Variants in NOL9 observed in about 807,000 individuals in gnomAD.
NOL9 encodes the protein polynucleotide 5'-hydroxyl-kinase NOL9.
Under a neutral mutation model 67.9 loss-of-function variants are expected in NOL9, and 28 were observed. The observed-to-expected ratio is 0.41, with a 90% CI of 0.31 to 0.57. NOL9 has a LOEUF of 0.57. NOL9 is among the 20% of genes least tolerant of loss of function. NOL9 has a pLI of 0.25. For synonymous variants in NOL9, 356 were observed against 352.2 expected, an observed-to-expected ratio of 1.01 and a Z score of -0.12; for missense variants, 777 against 897.0, an observed-to-expected ratio of 0.87 and a Z score of 1.71.
At chr1:6,533,179 A>T in intron 7 of NOL9, 101 bp downstream of exon 7, 1 of 1,297,084 alleles carries the variant, frequency 7.7e-7, no homozygotes, top group Non-Finnish European at 1.0e-6. Context: ...TGCCTCAATT[A>T]AAAACAAAAA....
intron 6 of NOL9, among the ~76,000 whole-genome samples, chr1:6,538,542 G>A (rs1178024728): frequency 1.3e-5 from 2 of 151,046 alleles, no homozygotes; most frequent in African/African-American, 2.4e-5. Flanking sequence ...CATGGTGGCG[G>A]GCATCTATAA....
chr1:6,525,700 A>C lies in NOL9; in HGVS notation c.*154T>G. On this transcript the variant is annotated 3_prime_UTR_variant, in exon 12 of 12. Transcript: ENST00000377705. ...CATGCAGCTTTAAAAGAGAAACTTA[A>C]GACTACTATATGACATTCACGAATT... is the stretch of plus-strand genomic sequence containing the variant. 1 of 765,700 alleles carries C rather than the reference A, an allele frequency of 1.3e-6. No individual in the cohort carries two copies. Among genetic ancestry groups the C allele is most frequent in the East Asian group, 2.5e-5 (1 of 40,640 alleles). 47.4% of individuals were successfully genotyped at this position (765,700 alleles called of 1,614,324 possible). A position where few individuals can be genotyped will look rare whatever the true frequency, so the allele number is the denominator to read the frequency against.
chr1:6,535,455 G>A (rs1033375582), intron 6 of NOL9, among the ~76,000 whole-genome samples: 2 of 152,214 alleles, frequency 1.3e-5, no homozygotes, highest in African/African-American at 4.8e-5. Flanking sequence ...CAGTACAGCT[G>A]GAGAGCCCAG....
chr1:6,554,391 C>CGAGCCGGCGGCG lies in NOL9; in HGVS notation c.100_111dup (p.Arg34_Leu37dup). The CGAGCCGGCGGCG allele has an allele frequency of 6.7e-7, 1 of 1,491,382 alleles. No individual in the cohort carries two copies. Among genetic ancestry groups the CGAGCCGGCGGCG allele is most frequent in the Middle Eastern group, 2.4e-4 (1 of 4,244 alleles). 92.4% of individuals were successfully genotyped at this position (1,491,382 alleles called of 1,614,324 possible). A position where few individuals can be genotyped will look rare whatever the true frequency, so the allele number is the denominator to read the frequency against. On this transcript the variant is annotated inframe_insertion, in exon 1 of 12. Coordinates refer to ENST00000377705, the MANE Select transcript of NOL9 (RefSeq NM_024654.5). ...CGCCGACCGCACCAGCGCAGGCTCC[C>CGAGCCGGCGGCG]GAGCCGGCGGCGGGGCCGGCGGCTG...
chr1:6,532,411 T>C, intron 8 of NOL9, 52 bp downstream of exon 8: 3 of 1,504,572 alleles, frequency 2.0e-6, no homozygotes, highest in Non-Finnish European at 2.7e-6. Flanking sequence ...GAATGGCAGG[T>C]CTTTTTCGAC....
At chr1:6,550,811 G>A (rs537560013) in intron 1 of NOL9, among the ~76,000 whole-genome samples, 196 bp from the exon 2 acceptor site, 4 of 151,190 alleles carry the variant, frequency 2.6e-5, no homozygotes, top group African/African-American at 9.7e-5. Context: ...ACCCTCCCTA[G>A]TAGCTGGGAT....
intron 5 of NOL9, among the ~76,000 whole-genome samples, chr1:6,543,744 G>A (rs1380463043): frequency 1.3e-5 from 2 of 152,194 alleles, no homozygotes; most frequent in Non-Finnish European, 2.9e-5. Context: ...GTGAGGCCAA[G>A]GTAGGAGGAT....
Position 6,531,974 on chromosome 1 carries a change from G to C in NOL9, c.1641C>G (p.Pro547=). The part of the protein sequence containing the change: ...KPLSPLHSLT[P]YQVPFNAVAL... ...TCCTGTAAGTTCAGATTACCTGATA[G>C]GGTGTCAGGCTATGTAAAGGAGAAA... The change falls in exon 9 of 12, where the codon CCC becomes CCG. Residue 547 remains proline (P), a synonymous_variant. Transcript: ENST00000377705. 6.2e-7 allele frequency: 1 copy of C among 1,610,772 alleles called. No homozygotes were observed. The highest frequency in any genetic ancestry group is 8.5e-7 in the Non-Finnish European group (1 of 1,176,878).
In NOL9 at chr1:6,550,536, C is replaced by T. The variant is rs776617418; in HGVS notation, c.476G>A (p.Gly159Asp). ...AGAGAAGATGTCTTGGGCAGGCTGG[C>T]CTTGGCTGATGGTAAAACCAAATAC... ...VQVFGFTISQ[G>D]QPAQDIFSVY... The change falls in exon 2 of 12, where the codon GGC becomes GAC. Residue 159 changes from glycine to aspartate, a missense_variant. Coordinates refer to ENST00000377705, the MANE Select transcript of NOL9 (RefSeq NM_024654.5). 3 of 1,613,982 alleles carry T rather than the reference C, an allele frequency of 1.9e-6. No homozygotes were observed. The highest frequency in any genetic ancestry group is 2.5e-6 in the Non-Finnish European group (3 of 1,180,008).
At chr1:6,548,961 G>C (rs1011918681) in intron 3 of NOL9, among the ~76,000 whole-genome samples, 1 of 151,822 alleles carries the variant, frequency 6.6e-6, no homozygotes, top group African/African-American at 2.4e-5. Flanking sequence ...ATGCACCTGT[G>C]GTCCTAGCTA....
intron 6 of NOL9, among the ~76,000 whole-genome samples, chr1:6,541,269 C>T (rs564777419): frequency 2.6e-5 from 4 of 152,230 alleles, no homozygotes; most frequent in Admixed American, 1.3e-4. Context: ...TTGCAACTTC[C>T]GTCTCCCGGT....
Position 6,549,696 on chromosome 1 carries a change from C to A in NOL9, c.619G>T (p.Asp207Tyr). The A allele has an allele frequency of 1.2e-6, 2 of 1,613,750 alleles. No homozygotes were observed. Among genetic ancestry groups the A allele is most frequent in the South Asian group, 2.2e-5 (2 of 91,044 alleles). ...NLLKSHLNLD[D>Y]RRWSMQNFSP... is the part of the protein sequence containing the mutation. ...AAATTCTGCATCGACCAACGCCTGTCATCTGTAAAGAGAAAAATAAACCAC... is the reference window on the plus strand; with the variant it reads ...AAATTCTGCATCGACCAACGCCTGTAATCTGTAAAGAGAAAAATAAACCAC... Residue 207 changes from aspartate (D) to tyrosine (Y), a missense_variant and splice_region_variant, in exon 3 of 12, where the codon GAC (aspartate) becomes TAC (tyrosine). By Grantham distance (160) the Asp-to-Tyr change is radical (BLOSUM62 -3). Around this residue, in one of 2 missense-constraint regions of NOL9, gnomAD observed 364 missense variants for 344.4 expected, o/e 1.06. Transcript: ENST00000377705.
intron 9 of NOL9, among the ~76,000 whole-genome samples, chr1:6,530,954 C>T (rs1417346515): frequency 1.3e-5 from 2 of 152,200 alleles, no homozygotes; most frequent in Non-Finnish European, 2.9e-5. Context: ...GACTCCCAGT[C>T]CCTGGCCTTG....
In NOL9 at chr1:6,554,195, G is replaced by A; in HGVS notation, c.308C>T (p.Ser103Phe). 1 of 1,521,800 alleles carries A rather than the reference G, an allele frequency of 6.6e-7. No homozygotes were observed. Among genetic ancestry groups the A allele is most frequent in the Non-Finnish European group, 8.8e-7 (1 of 1,133,990 alleles). 94.3% of individuals were successfully genotyped at this position (1,521,800 alleles called of 1,614,324 possible). A position where few individuals can be genotyped will look rare whatever the true frequency, so the allele number is the denominator to read the frequency against. ...SEPESEPELE[S>F]ASSCHRPLLI... ...GAGAGGCCGGTGGCAACTCGAGGCG[G>A]ATTCGAGTTCGGGTTCGGACTCGGG... Residue 103 changes from serine to phenylalanine, a missense_variant, in exon 1 of 12, where the codon TCC becomes TTC. This residue lies in a region of NOL9 where 364 missense variants were observed against 344.4 expected (regional missense o/e 1.06). Transcript: ENST00000377705.
At position 6,523,964 on chromosome 1, in the gene NOL9, A is replaced by G. The variant is rs4908557; in HGVS notation, c.*1890T>C. On this transcript the variant is annotated 3_prime_UTR_variant, in exon 12 of 12. Coordinates refer to ENST00000377705, the MANE Select transcript of NOL9 (RefSeq NM_024654.5). ...CAGAGCCTTGCTGCAAATGACCTCC[A>G]GTGAGTATAACTGTAAGATACACGA... 0.98 allele frequency: 149,141 copies of G among 152,346 alleles called. 73,095 individuals carry two copies. Among genetic ancestry groups the G allele is most frequent in the East Asian group, 1 (5,190 of 5,190 alleles). The allele number at this position is 152,346 out of a possible 1,614,324, so 9.4% of individuals were successfully genotyped here.
chr1:6,550,826 GGTAA>G (rs1416846595), intron 1 of NOL9, among the ~76,000 whole-genome samples: 1 of 151,918 alleles, frequency 6.6e-6, no homozygotes, highest in Non-Finnish European at 1.5e-5. Context: ...TGGGATTACA[GGTAA>G]GTGTCACCAC....
In NOL9 at chr1:6,537,874, G is replaced by A. The variant is rs901285603; in HGVS notation, c.1075+3956C>T. Among the ~76,000 whole-genome samples, 63 of 151,220 alleles carry A rather than the reference G, an allele frequency of 4.2e-4. 2 individuals are homozygous for A. Among genetic ancestry groups the A allele is most frequent in the Non-Finnish European group, 1.5e-5 (1 of 67,914 alleles). The stretch of plus-strand genomic sequence containing the variant: ...GCGGTGGCTCACACCTGTAATCCCA[G>A]CACTTTGGAGAGGCCGAGGCAGGTG... On this transcript the variant is annotated intron_variant, in intron 6 of 11. Transcript: ENST00000377705.
rs532965646 is a variant in NOL9 at position 6,536,075 on chromosome 1, G to A, written c.1076-2634C>T. 3.1e-3 allele frequency among the ~76,000 whole-genome samples: 479 copies of A among 152,268 alleles called. 1 individual carries two copies. The highest frequency in any genetic ancestry group is 5.8e-3 in the Non-Finnish European group (396 of 68,020). On this transcript the variant is annotated intron_variant, in intron 6 of 11. Transcript: ENST00000377705. ...AATTAGCCAGGTGTGGGCCGGGTGC[G>A]GTAGCTCACGCCTGTAATCCTAGCA...
intron 6 of NOL9, among the ~76,000 whole-genome samples, chr1:6,539,659 AT>A (rs34083784): frequency 0.98 from 148,780 of 151,958 alleles, 72,927 homozygotes; most frequent in East Asian, 1. Context: ...TAACTTTTGT[AT>A]TTTTTTTAAT....
Sources: allele counts gnomAD v4.1 joint callset (sites outside exome capture counted in the v4.1 genomes callset), GRCh38; gene constraint gnomAD v4.1.1; regional missense constraint gnomAD v4.1.1; transcripts MANE v1.5; gene names NCBI Gene and HGNC (gene_info 2026-07-23, HGNC 2026-07-21).